TMEM278: variants seen among roughly 807,000 people sequenced by gnomAD.
TMEM278 encodes transmembrane protein 278, also known as transmembrane protein 88B.
the TMEM278 span, chr1:1,426,445 G>C: frequency 7.8e-7 from 1 of 1,282,056 alleles, no homozygotes; most frequent in African/African-American, 1.6e-5. Flanking sequence ...GGCGTGCCCT[G>C]GGTCTGAAGG....
the TMEM278 span, chr1:1,426,262 G>A: frequency 1.0e-5 from 15 of 1,490,290 alleles, no homozygotes; most frequent in South Asian, 1.3e-5. Context: ...CGGGGCCCCC[G>A]CTGCTGCCCG....
the TMEM278 span, among the ~76,000 whole-genome samples, chr1:1,428,931 C>T: frequency 1.4e-5 from 2 of 141,058 alleles, no homozygotes; most frequent in African/African-American, 5.4e-5. Context: ...ACCTGGGAGG[C>T]AAAGCTTGCA....
At chr1:1,427,303 C>T in the TMEM278 span, among the ~76,000 whole-genome samples, 1 of 138,262 alleles carries the variant, frequency 7.2e-6, no homozygotes, top group African/African-American at 2.8e-5. Flanking sequence ...CTTCATCACC[C>T]TGACCCACCC....
the TMEM278 span, among the ~76,000 whole-genome samples, chr1:1,428,004 G>C: frequency 0.019 from 1,709 of 89,068 alleles, 21 homozygotes; most frequent in African/African-American, 0.067. Flanking sequence ...GAAGAGAGGG[G>C]AGGGGAGGGG....
chr1:1,428,005 A>C, the TMEM278 span, among the ~76,000 whole-genome samples: 2 of 115,952 alleles, frequency 1.7e-5, no homozygotes, highest in South Asian at 3.2e-4. Context: ...AAGAGAGGGG[A>C]GGGGAGGGGG....
At chr1:1,427,863 CTG>C in the TMEM278 span, 10 of 1,274,096 alleles carry the variant, frequency 7.8e-6, no homozygotes, top group Admixed American at 3.3e-4. Flanking sequence ...GCCCGGAAAA[CTG>C]AGGGTCGCCC....
chr1:1,427,817 C>T, the TMEM278 span: 8 of 1,372,272 alleles, frequency 5.8e-6, no homozygotes, highest in Non-Finnish European at 7.5e-6. Context: ...CCCCGGGAGG[C>T]CTCCGAGCTC....
At chr1:1,426,839 A>G in the TMEM278 span, among the ~76,000 whole-genome samples, 1 of 151,734 alleles carries the variant, frequency 6.6e-6, no homozygotes, top group Non-Finnish European at 1.5e-5. Context: ...TTCTGCTGGC[A>G]CGGGGGCTGG....
At chr1:1,427,867 G>A in the TMEM278 span, 2 of 1,260,272 alleles carry the variant, frequency 1.6e-6, no homozygotes, top group East Asian at 7.3e-5. Flanking sequence ...GGAAAACTGA[G>A]GGTCGCCCCC....
the TMEM278 span, chr1:1,426,099 C>A: frequency 7.3e-6 from 10 of 1,366,390 alleles, no homozygotes; most frequent in Non-Finnish European, 9.5e-6. Flanking sequence ...TGAGCACCGC[C>A]CGGGCCACAG....
At chr1:1,426,019 G>A in the TMEM278 span, 3 of 1,261,470 alleles carry the variant, frequency 2.4e-6, no homozygotes, top group Non-Finnish European at 2.0e-6. Context: ...GCTGGGGGAT[G>A]TGGACTGGCT....
the TMEM278 span, among the ~76,000 whole-genome samples, chr1:1,428,265 G>GCCTC: frequency 6.6e-6 from 1 of 151,776 alleles, no homozygotes; most frequent in South Asian, 2.1e-4. Flanking sequence ...CCAGCCCAAG[G>GCCTC]CCTCCCGCGC....
At chr1:1,426,209 C>T in the TMEM278 span, 9 of 1,413,060 alleles carry the variant, frequency 6.4e-6, no homozygotes, top group Non-Finnish European at 7.4e-6. Flanking sequence ...GCCCCGGGGA[C>T]CTCCCGACCA....
chr1:1,427,848 G>C, the TMEM278 span: 4 of 1,314,320 alleles, frequency 3.0e-6, no homozygotes, highest in East Asian at 1.1e-4. Context: ...CCATCGCGTG[G>C]CCCGGCCCGG....
At chr1:1,427,996 AGAGAGGGGAGGGGAGGGGGAGAGAGGG>A in the TMEM278 span, among the ~76,000 whole-genome samples, 5 of 71,608 alleles carry the variant, frequency 7.0e-5, no homozygotes, top group East Asian at 7.1e-4. Flanking sequence ...GGGGAGGGGA[AGAGAGGGGAGGGGAGGGGGAGAGAGGG>A]GAGGGGAGGG....
the TMEM278 span, among the ~76,000 whole-genome samples, chr1:1,427,256 C>T: frequency 4.3e-5 from 6 of 140,470 alleles, no homozygotes; most frequent in Admixed American, 1.4e-4. Flanking sequence ...ACCCTGCTCC[C>T]GCCCATCCAT....
At chr1:1,427,784 G>A in the TMEM278 span, 2 of 1,378,162 alleles carry the variant, frequency 1.5e-6, no homozygotes, top group Non-Finnish European at 1.9e-6. Context: ...GCGCCTGGGT[G>A]TGACCCGGCG....
At chr1:1,429,409 A>ATT in the TMEM278 span, among the ~76,000 whole-genome samples, 2 of 151,492 alleles carry the variant, frequency 1.3e-5, no homozygotes, top group African/African-American at 4.8e-5. Context: ...GATTTGTCTG[A>ATT]TTTTTTTTAT....
the TMEM278 span, chr1:1,427,604 C>T: frequency 1.5e-6 from 2 of 1,291,314 alleles, no homozygotes; most frequent in African/African-American, 3.8e-5. Flanking sequence ...CAGACCGCGG[C>T]TCCGCGGCGC....
Sources: gnomAD v4.1 joint callset for allele counts (sites outside exome capture counted in the v4.1 genomes callset) on GRCh38, gnomAD v4.1.1 for gene constraint, MANE v1.5 for transcripts, NCBI Gene and HGNC (gene_info 2026-07-23, HGNC 2026-07-21) for gene names.